Variants in SLC24A2 observed in about 807,000 individuals in gnomAD.
SLC24A2 encodes the protein solute carrier family 24 member 2, also known as sodium/potassium/calcium exchanger 2.
SLC24A2 carries 36 observed loss-of-function variants against 62.0 expected under a neutral mutation model. The observed-to-expected ratio is 0.58, with a 90% confidence interval of 0.44 to 0.77. The LOEUF is 0.77. SLC24A2 is among the 30% of genes least tolerant of loss of function. The pLI is 0.00. For synonymous variants in SLC24A2, 358 were observed against 294.0 expected, an observed-to-expected ratio of 1.22 and a Z score of -2.23; for missense variants, 846 against 817.9, an observed-to-expected ratio of 1.03 and a Z score of -0.42.
chr9:19,963,639 C>G, the SLC24A2 span, among the ~76,000 whole-genome samples: 3 of 152,186 alleles, frequency 2.0e-5, no homozygotes, highest in African/African-American at 7.2e-5. Context: ...CACTGGCCAT[C>G]AGAGAAATGC....
the SLC24A2 span, among the ~76,000 whole-genome samples, chr9:20,290,866 G>A: frequency 1.3e-5 from 2 of 152,192 alleles, no homozygotes; most frequent in African/African-American, 4.8e-5. Context: ...TGCCCAGGAG[G>A]CACAGATAAG....
rs1021800442 is a variant in SLC24A2 at position 19,582,646 on chromosome 9, A to G, written c.1130-5624T>C. ...TTTATGGCTTGCCAGGTAGCTTAAA[A>G]AGCAAAAGTGTGTCTGAACTTTCCT... On this transcript the variant is annotated intron_variant, in intron 5 of 10. Coordinates refer to ENST00000341998, the MANE Select transcript of SLC24A2 (RefSeq NM_020344.4). 5.3e-5 allele frequency among the ~76,000 whole-genome samples: 8 copies of G among 152,170 alleles called. 1 individual carries two copies. The highest frequency in any genetic ancestry group is 1.0e-4 in the Non-Finnish European group (7 of 68,036).
At chr9:19,520,540 G>A (rs111247241) in intron 10 of SLC24A2, among the ~76,000 whole-genome samples, 7 of 152,168 alleles carry the variant, frequency 4.6e-5, no homozygotes, top group African/African-American at 1.7e-4. Context: ...AGGCTGGTGG[G>A]GACTTTAATT....
intron 5 of SLC24A2, among the ~76,000 whole-genome samples, chr9:19,596,502 C>T (rs1236114069): frequency 1.3e-5 from 2 of 152,204 alleles, no homozygotes; most frequent in Non-Finnish European, 2.9e-5. Context: ...TGTTCCATGG[C>T]AAACCTACAT....
chr9:19,762,058 C>G (rs1329422559), intron 2 of SLC24A2, among the ~76,000 whole-genome samples: 1 of 152,210 alleles, frequency 6.6e-6, no homozygotes, highest in Admixed American at 6.5e-5. Flanking sequence ...AATCGACACA[C>G]TGACTTCCAC....
chr9:19,718,000 G>A (rs1389868133), intron 2 of SLC24A2, among the ~76,000 whole-genome samples: 3 of 142,374 alleles, frequency 2.1e-5, no homozygotes, highest in Non-Finnish European at 4.5e-5. Flanking sequence ...TTTTTAAAAC[G>A]GAGTCTCGCT....
chr9:20,208,477 T>C, the SLC24A2 span, among the ~76,000 whole-genome samples: 1 of 152,216 alleles, frequency 6.6e-6, no homozygotes, highest in Non-Finnish European at 1.5e-5. Context: ...GGAGACTGTT[T>C]CCTCAAGTAA....
the SLC24A2 span, among the ~76,000 whole-genome samples, chr9:20,087,880 T>C: frequency 6.6e-6 from 1 of 151,840 alleles, no homozygotes; most frequent in African/African-American, 2.4e-5. Flanking sequence ...GGGAGCAACA[T>C]GGATCTAGAG....
chr9:19,775,921 C>A (rs187080717), intron 2 of SLC24A2, among the ~76,000 whole-genome samples: 1 of 152,160 alleles, frequency 6.6e-6, no homozygotes, highest in Non-Finnish European at 1.5e-5. Flanking sequence ...GAGAAAAAAA[C>A]GTTCTTAACA....
chr9:19,662,923 T>C (rs1163343649), intron 2 of SLC24A2, among the ~76,000 whole-genome samples: 1 of 152,230 alleles, frequency 6.6e-6, no homozygotes, highest in Middle Eastern at 3.2e-3. Context: ...TAACTGGTTT[T>C]AGATCACTAA....
the SLC24A2 span, among the ~76,000 whole-genome samples, chr9:19,997,649 G>T: frequency 6.6e-6 from 1 of 152,160 alleles, no homozygotes; most frequent in African/African-American, 2.4e-5. Context: ...GGTTAGAAAT[G>T]ATTCCACTCA....
the SLC24A2 span, among the ~76,000 whole-genome samples, chr9:20,074,479 T>C: frequency 6.6e-5 from 10 of 151,540 alleles, no homozygotes; most frequent in African/African-American, 2.2e-4. Context: ...CTGGCAACCA[T>C]TTTGCAGCTA....
chr9:19,625,528 G>A (rs1279016177), intron 2 of SLC24A2, among the ~76,000 whole-genome samples: 1 of 152,034 alleles, frequency 6.6e-6, no homozygotes, highest in Non-Finnish European at 1.5e-5. Flanking sequence ...ATCTACTTAT[G>A]AGAAAATATT....
At chr9:19,541,546 G>C (rs1456911349) in intron 8 of SLC24A2, among the ~76,000 whole-genome samples, 1 of 148,578 alleles carries the variant, frequency 6.7e-6, no homozygotes, top group East Asian at 2.0e-4. Context: ...ACCCAATTGA[G>C]GAGGCAGTCT....
the SLC24A2 span, among the ~76,000 whole-genome samples, chr9:20,111,012 T>C: frequency 7.9e-5 from 12 of 152,304 alleles, 1 homozygote; most frequent in East Asian, 9.7e-4. Context: ...AGGTGAAATA[T>C]GGTAGATATG....
At chr9:19,837,307 C>T in the SLC24A2 span, among the ~76,000 whole-genome samples, 4 of 150,690 alleles carry the variant, frequency 2.7e-5, no homozygotes, top group Non-Finnish European at 5.9e-5. Flanking sequence ...AAAAAATTAG[C>T]CGGGTGCGGT....
chr9:20,080,982 C>A, the SLC24A2 span, among the ~76,000 whole-genome samples: 1 of 151,908 alleles, frequency 6.6e-6, no homozygotes, highest in African/African-American at 2.4e-5. Flanking sequence ...GAAACAACAG[C>A]TGCTGGAGAG....
chr9:19,964,852 T>G, the SLC24A2 span, among the ~76,000 whole-genome samples: 1 of 152,180 alleles, frequency 6.6e-6, no homozygotes, highest in Non-Finnish European at 1.5e-5. Flanking sequence ...TGTTTAGCTC[T>G]GGGATAAAGG....
At chr9:19,900,566 G>A in the SLC24A2 span, among the ~76,000 whole-genome samples, 2 of 152,076 alleles carry the variant, frequency 1.3e-5, no homozygotes, top group African/African-American at 4.8e-5. Context: ...ATGAGTCTCA[G>A]TTGCTCATTT....
Sources: gnomAD v4.1 joint callset for allele counts (sites outside exome capture counted in the v4.1 genomes callset) on GRCh38, gnomAD v4.1.1 for gene constraint, MANE v1.5 for transcripts, NCBI Gene and HGNC (gene_info 2026-07-23, HGNC 2026-07-21) for gene names.